LNX2: variants seen among roughly 807,000 people sequenced by gnomAD.
LNX2 encodes ligand of Numb protein X 2.
In LNX2, 35 loss-of-function variants were observed where a neutral mutation model predicts 66.2. That is an observed-to-expected ratio of 0.53 (90% CI 0.40 to 0.70). The LOEUF (loss-of-function observed/expected upper bound fraction) is 0.70. Among genes scored for constraint, LNX2 ranks in the 30% least tolerant of loss-of-function variants. LNX2 has a pLI of 0.00. For missense variants in LNX2, 791 were observed against 850.8 expected (o/e 0.93, Z 0.87); for synonymous variants, 337 against 315.6 (o/e 1.07, Z -0.72).
intron 1 of LNX2, among the ~76,000 whole-genome samples, chr13:27,609,551 G>A (rs1192361980): frequency 6.6e-6 from 1 of 152,150 alleles, no homozygotes; most frequent in African/African-American, 2.4e-5. Context: ...CCAACTTTCA[G>A]GTGAACCCAA....
chr13:27,571,416 T>C (rs1171249224), intron 2 of LNX2, among the ~76,000 whole-genome samples: 3 of 152,132 alleles, frequency 2.0e-5, no homozygotes, highest in African/African-American at 7.2e-5. Flanking sequence ...TAACATAATA[T>C]ATGCATTCTA....
chr13:27,597,098 G>A (rs1178862400), intron 1 of LNX2, among the ~76,000 whole-genome samples: 2 of 152,112 alleles, frequency 1.3e-5, no homozygotes, highest in Non-Finnish European at 2.9e-5. Context: ...ATCCTTATCA[G>A]AAATCAAAAC....
intron 1 of LNX2, among the ~76,000 whole-genome samples, chr13:27,597,457 A>G (rs972136562): frequency 9.9e-5 from 15 of 152,188 alleles, no homozygotes; most frequent in South Asian, 2.1e-4. Context: ...TTAAAAATTG[A>G]TATTTCAGAA....
chr13:27,555,186 C>G (rs531190140), intron 7 of LNX2, among the ~76,000 whole-genome samples: 1 of 152,106 alleles, frequency 6.6e-6, no homozygotes, highest in African/African-American at 2.4e-5. Context: ...TGGGCTCAAG[C>G]GATCCACCTG....
chr13:27,550,532 G>A, intron 8 of LNX2, 41 bp from the exon 9 acceptor site: 1 of 1,518,640 alleles, frequency 6.6e-7, no homozygotes, highest in East Asian at 2.3e-5. Flanking sequence ...TTAACATGGA[G>A]GCTTTTATAG....
intron 2 of LNX2, among the ~76,000 whole-genome samples, chr13:27,576,058 CATA>C (rs1369681475): frequency 5.9e-5 from 9 of 152,098 alleles, no homozygotes; most frequent in African/African-American, 1.7e-4. Context: ...CTACAAGAAA[CATA>C]ATCCAACTGT....
rs1321629025 is a variant in LNX2 at position 27,581,489 on chromosome 13, T to G, written c.215A>C (p.Lys72Thr). The G allele has an allele frequency of 6.2e-7, 1 of 1,612,378 alleles. No individual in the cohort carries two copies. Among genetic ancestry groups the G allele is most frequent in the East Asian group, 2.2e-5 (1 of 44,844 alleles). The change falls in exon 2 of 10, where the codon AAG (lysine) becomes ACG (threonine). Residue 72 changes from lysine (K) to threonine (T), a missense_variant. Lys to Thr is a moderately conservative substitution (Grantham distance 78). Transcript: ENST00000316334. ...CTCTTGTAAAAAGTTTCTGAGGCAC[T>G]TGTAGCAGAATGTATGTCCACAGGG... ...DTPCGHTFCY[K>T]CLRNFLQEKD...
At chr13:27,567,861 A>G (rs1439192846) in intron 3 of LNX2, 22 bp from the exon 4 acceptor site, 1 of 1,591,456 alleles carries the variant, frequency 6.3e-7, no homozygotes, top group South Asian at 1.1e-5. Context: ...AAAATGAGAC[A>G]GACAAAAACA....
rs186767610 is a variant in LNX2, at chr13:27,587,776, C to T, written c.-100-5973G>A. Among the ~76,000 whole-genome samples the T allele has an allele frequency of 3.7e-3, 566 of 152,124 alleles. 1 individual carries two copies. Among genetic ancestry groups the T allele is most frequent in the African/African-American group, 0.012 (482 of 41,508 alleles). ...GTGGCTCACGCCTGTAATCCCAGCA[C>T]TTTGGGAGGCCAAGGCGGGCAGATC... On this transcript the variant is annotated intron_variant, in intron 1 of 9. Coordinates refer to ENST00000316334, the MANE Select transcript of LNX2 (RefSeq NM_153371.4).
intron 1 of LNX2, among the ~76,000 whole-genome samples, chr13:27,614,958 C>T (rs1476575563): frequency 6.6e-6 from 1 of 152,050 alleles, no homozygotes; most frequent in Non-Finnish European, 1.5e-5. Flanking sequence ...TTCTCTTATT[C>T]AACACAACAG....
chr13:27,578,430 G>A (rs1050579132), intron 2 of LNX2, among the ~76,000 whole-genome samples: 3 of 152,078 alleles, frequency 2.0e-5, no homozygotes, highest in Admixed American at 6.5e-5. Flanking sequence ...CATATTCTGC[G>A]CCGCATAACA....
At chr13:27,592,125 T>C (rs1214675483) in intron 1 of LNX2, among the ~76,000 whole-genome samples, 1 of 152,202 alleles carries the variant, frequency 6.6e-6, no homozygotes, top group African/African-American at 2.4e-5. Flanking sequence ...TGGTTTTTAC[T>C]CTGAGTCAGA....
At position 27,547,987 on chromosome 13, in the gene LNX2, A is replaced by G. The variant is rs2138301790; in HGVS notation, c.*348T>C. Reference sequence around the variant, plus strand: ...GCCTGAGGGATACAGAACTCGTTCTATGATTCAGTTACTGAAAACAAAGAC... The same window carrying G: ...GCCTGAGGGATACAGAACTCGTTCTGTGATTCAGTTACTGAAAACAAAGAC... On this transcript the variant is annotated 3_prime_UTR_variant, in exon 10 of 10. Transcript: ENST00000316334. 1 of 245,552 alleles carries G rather than the reference A, an allele frequency of 4.1e-6. No homozygotes were observed. Among genetic ancestry groups the G allele is most frequent in the East Asian group, 9.5e-5 (1 of 10,566 alleles). The allele number at this position is 245,552 out of a possible 1,614,324, so 15.2% of individuals were successfully genotyped here. A position where few individuals can be genotyped will look rare whatever the true frequency, so the allele number is the denominator to read the frequency against.
chr13:27,550,336 A>C lies in LNX2; in HGVS notation c.1934T>G (p.Leu645Ter). ...CATTAATTAGAACAAGACTCACTTTAATCTTCCATCATAATAAGCAGGAGT... is the reference window on the plus strand; with the variant it reads ...CATTAATTAGAACAAGACTCACTTTCATCTTCCATCATAATAAGCAGGAGT... ...LGTPAYYDGR[L>*]KCGDMIVAVN... Residue 645 changes from leucine to a stop codon, truncating the protein, a stop_gained, in exon 9 of 10, where the codon TTA becomes TGA. Transcript: ENST00000316334. LOFTEE classifies it high-confidence loss of function. The C allele has an allele frequency of 6.2e-7, 1 of 1,612,490 alleles. No individual in the cohort carries two copies. Among genetic ancestry groups the C allele is most frequent in the Non-Finnish European group, 8.5e-7 (1 of 1,179,188 alleles).
intron 2 of LNX2, among the ~76,000 whole-genome samples, chr13:27,571,689 T>C (rs930527135): frequency 2.0e-5 from 3 of 152,126 alleles, no homozygotes; most frequent in African/African-American, 7.2e-5. Context: ...TTTGATGATA[T>C]GTGAATCTCA....
chr13:27,548,606 T>C (rs1954971211), intron 9 of LNX2, 136 bp from the exon 10 acceptor site: 1 of 974,712 alleles, frequency 1.0e-6, no homozygotes, highest in Admixed American at 2.9e-5. Context: ...ATAATCTACT[T>C]TGTCTGGGAC....
intron 1 of LNX2, among the ~76,000 whole-genome samples, chr13:27,617,635 C>G (rs147938865): frequency 3.4e-4 from 52 of 151,968 alleles, no homozygotes; most frequent in African/African-American, 1.2e-3. Context: ...CCACTGTGAA[C>G]CCCTTCACCC....
rs180901271 is a variant in LNX2 at position 27,582,867 on chromosome 13, C to T, written c.-100-1064G>A. Among the ~76,000 whole-genome samples the T allele has an allele frequency of 3.1e-3, 472 of 152,116 alleles. 2 individuals carry two copies. Among genetic ancestry groups the T allele is most frequent in the Admixed American group, 5.0e-3 (76 of 15,276 alleles). ...GTAACAAACCTGCACGTTCTACACA[C>T]GTATCCTGGAACTTAAAGTATAATA... is the stretch of plus-strand genomic sequence containing the variant. On this transcript the variant is annotated intron_variant, in intron 1 of 9. Transcript: ENST00000316334.
At chr13:27,607,390 T>C (rs892503535) in intron 1 of LNX2, among the ~76,000 whole-genome samples, 9 of 152,178 alleles carry the variant, frequency 5.9e-5, no homozygotes, top group African/African-American at 2.2e-4. Flanking sequence ...CACTAAAGTC[T>C]TACACACCAA....
Sources: gnomAD v4.1 joint callset for allele counts (sites outside exome capture counted in the v4.1 genomes callset) on GRCh38, gnomAD v4.1.1 for gene constraint, MANE v1.5 for transcripts, NCBI Gene and HGNC (gene_info 2026-07-23, HGNC 2026-07-21) for gene names.